Variants in PKIB observed in about 807,000 individuals in gnomAD.
PKIB encodes the protein cAMP-dependent protein kinase inhibitor beta.
In PKIB, 2 loss-of-function variants were observed where a neutral mutation model predicts 4.5. The ratio of observed to expected loss-of-function variants is 0.44; its 90% CI spans 0.18 to 1.39. The LOEUF (loss-of-function observed/expected upper bound fraction) is 1.39, where lower values mean the gene tolerates loss of function less well. Among genes scored for constraint, PKIB ranks in the 40% most tolerant of loss-of-function variants. PKIB has a pLI of 0.27. For synonymous variants in PKIB, 38 were observed against 36.0 expected (o/e 1.06, Z -0.20); for missense variants, 94 against 92.6 (o/e 1.02, Z -0.06).
At chr6:122,544,587 A>G (rs752025691) in intron 2 of PKIB, among the ~76,000 whole-genome samples, 1 of 152,020 alleles carries the variant, frequency 6.6e-6, no homozygotes, top group Admixed American at 6.6e-5. Context: ...AGAATGATGG[A>G]ATATGTAGTG....
chr6:122,695,734 A>T (rs992464564), intron 3 of PKIB, among the ~76,000 whole-genome samples: 1 of 152,126 alleles, frequency 6.6e-6, no homozygotes, highest in East Asian at 1.9e-4. Context: ...GAAATTTTTT[A>T]AAATCCATGT....
chr6:122,583,109 T>G (rs1157430824), intron 2 of PKIB, among the ~76,000 whole-genome samples: 1 of 152,090 alleles, frequency 6.6e-6, no homozygotes, highest in Non-Finnish European at 1.5e-5. Context: ...TTAAATAGGT[T>G]GATTATGTTT....
At chr6:122,558,645 T>C (rs1165020492) in intron 2 of PKIB, among the ~76,000 whole-genome samples, 1 of 152,220 alleles carries the variant, frequency 6.6e-6, no homozygotes, top group Non-Finnish European at 1.5e-5. Flanking sequence ...TTTCTTTTAG[T>C]ACATACATTG....
At chr6:122,540,794 C>T (rs1777571611) in intron 2 of PKIB, among the ~76,000 whole-genome samples, 1 of 151,890 alleles carries the variant, frequency 6.6e-6, no homozygotes, top group African/African-American at 2.4e-5. Flanking sequence ...TAAAGTCTCC[C>T]ATTATTATTG....
Position 122,485,846 on chromosome 6 carries a change from T to G in PKIB, c.-248+7907T>G, listed in dbSNP as rs80143266. ...TAGCATGGTTGGATTCACTGTAACT[T>G]TTGGATTATTGCTGTATGTCTTGCC... On this transcript the variant is annotated intron_variant, in intron 2 of 6. Coordinates refer to the PKIB transcript ENST00000392491. Among the ~76,000 whole-genome samples, 679 of 152,326 alleles carry G rather than the reference T, an allele frequency of 4.5e-3. 1 individual carries two copies. The highest frequency in any genetic ancestry group is 6.3e-3 in the Non-Finnish European group (431 of 68,034).
chr6:122,630,930 G>A (rs554717186), intron 1 of PKIB, among the ~76,000 whole-genome samples: 1 of 152,262 alleles, frequency 6.6e-6, no homozygotes, highest in African/African-American at 2.4e-5. Flanking sequence ...CAGCAGATGG[G>A]ATGCTCATGA....
chr6:122,599,005 G>A (rs1774267940), intron 3 of PKIB, among the ~76,000 whole-genome samples: 1 of 152,102 alleles, frequency 6.6e-6, no homozygotes, highest in Non-Finnish European at 1.5e-5. Flanking sequence ...TTCAAGTGTA[G>A]TGCACCTCCT....
intron 2 of PKIB, among the ~76,000 whole-genome samples, chr6:122,634,169 G>A (rs968217787): frequency 6.0e-4 from 91 of 152,098 alleles, no homozygotes; most frequent in African/African-American, 2.1e-3. Flanking sequence ...GAGAACACAT[G>A]GACATAGGGA....
At chr6:122,605,877 G>T (rs1161666638), upstream of PKIB, among the ~76,000 whole-genome samples, 1 of 152,152 alleles carries the variant, frequency 6.6e-6, no homozygotes, top group Admixed American at 6.5e-5. Context: ...CATTGATAAG[G>T]TTCATATTAT....
chr6:122,490,963 C>T (rs1775920440), intron 2 of PKIB, among the ~76,000 whole-genome samples: 1 of 152,124 alleles, frequency 6.6e-6, no homozygotes, highest in Non-Finnish European at 1.5e-5. Flanking sequence ...TGAATCTATA[C>T]TGGTCTCCAG....
chr6:122,695,837 T>G (rs758600139), intron 3 of PKIB, among the ~76,000 whole-genome samples: 4 of 152,146 alleles, frequency 2.6e-5, no homozygotes, highest in Non-Finnish European at 5.9e-5. Flanking sequence ...TTTTGAATTG[T>G]AGGGAATCTA....
intron 2 of PKIB, among the ~76,000 whole-genome samples, chr6:122,654,019 A>C (rs1255891146): frequency 6.6e-6 from 1 of 152,144 alleles, no homozygotes; most frequent in Non-Finnish European, 1.5e-5. Context: ...TCCCTCTTTC[A>C]CTGGCTGCCT....
At chr6:122,695,778 G>A (rs1358890014) in intron 3 of PKIB, among the ~76,000 whole-genome samples, 3 of 152,062 alleles carry the variant, frequency 2.0e-5, no homozygotes, top group African/African-American at 7.2e-5. Context: ...TTAAATCCTA[G>A]CTTAGGGCAA....
intron 2 of PKIB, among the ~76,000 whole-genome samples, chr6:122,557,604 C>A (rs1178632751): frequency 1.3e-5 from 2 of 152,208 alleles, no homozygotes; most frequent in African/African-American, 4.8e-5. Flanking sequence ...AACCAAGGAG[C>A]TCTTCTTCCC....
intron 2 of PKIB, among the ~76,000 whole-genome samples, chr6:122,531,800 C>T (rs951816862): frequency 2.0e-5 from 3 of 152,184 alleles, no homozygotes; most frequent in African/African-American, 7.2e-5. Context: ...TTGCTTAAGG[C>T]TGGGAATTTA....
chr6:122,705,939 T>G (rs1218584052), intron 3 of PKIB, among the ~76,000 whole-genome samples: 6 of 152,226 alleles, frequency 3.9e-5, no homozygotes, highest in Admixed American at 3.9e-4. Context: ...CAGGATACGT[T>G]CACATATTGT....
intron 2 of PKIB, among the ~76,000 whole-genome samples, chr6:122,583,527 C>G (rs1310544275): frequency 6.6e-6 from 1 of 152,010 alleles, no homozygotes; most frequent in African/African-American, 2.4e-5. Flanking sequence ...CCAGGCTGTT[C>G]CACGAAATTT....
intron 2 of PKIB, among the ~76,000 whole-genome samples, chr6:122,639,273 A>G (rs545087196): frequency 3.8e-4 from 58 of 152,336 alleles, no homozygotes; most frequent in Non-Finnish European, 6.8e-4. Context: ...CAACCAACAA[A>G]CAAAGGAGCA....
chr6:122,522,729 C>T lies in PKIB; in HGVS notation c.-248+44790C>T, dbSNP rs1004579022. ...CCCCACCCTGCTTCTGCTCACCCTC[C>T]GTGGGCTGCACCCACTGTCTAACCA... is the stretch of plus-strand genomic sequence containing the variant. On this transcript the variant is annotated intron_variant, in intron 2 of 6. Transcript: ENST00000392491. 2.6e-5 allele frequency among the ~76,000 whole-genome samples: 4 copies of T among 152,290 alleles called. No homozygotes were observed. In the South Asian group the frequency reaches 6.2e-4, roughly 24 times the overall value.
Sources: gnomAD v4.1 joint callset for allele counts (sites outside exome capture counted in the v4.1 genomes callset) on GRCh38, gnomAD v4.1.1 for gene constraint, MANE v1.5 for transcripts, NCBI Gene and HGNC (gene_info 2026-07-23, HGNC 2026-07-21) for gene names.